The following NRG1 variants were observed in gnomAD, a reference collection of about 807,000 sequenced individuals.
NRG1 encodes neuregulin 1.
A neutral mutation model predicts 63.8 loss-of-function variants in NRG1; 18 were observed. That is an observed-to-expected ratio of 0.28 (90% CI 0.19 to 0.42). The LOEUF (loss-of-function observed/expected upper bound fraction) is 0.42, where lower values mean the gene tolerates loss of function less well. NRG1 is among the 10% of genes least tolerant of loss of function. The probability of loss-of-function intolerance (pLI) is 1.00; values close to 1 mark genes in which losing one functional copy is unlikely to be tolerated. For synonymous variants in NRG1, 302 were observed against 301.3 expected, an observed-to-expected ratio of 1.00 and a Z score of -0.02; for missense variants, 762 against 814.7, an observed-to-expected ratio of 0.94 and a Z score of 0.79.
At position 31,796,414 on chromosome 8, in the gene NRG1, C is replaced by CTTTTTTTTTTTTT. The variant is rs1158508289; in HGVS notation, c.37+157007_37+157019dup. 9.2e-5 allele frequency among the ~76,000 whole-genome samples: 4 copies of CTTTTTTTTTTTTT among 43,376 alleles called. 1 individual carries two copies. Among genetic ancestry groups the CTTTTTTTTTTTTT allele is most frequent in the African/African-American group, 1.8e-4 (2 of 11,224 alleles). 28.5% of individuals were successfully genotyped at this position (43,376 alleles called of 152,430 possible). On this transcript the variant is annotated intron_variant, in intron 1 of 10. Transcript: ENST00000519301. ...ATAACCAAATAAGATGGCGTATAAT[C>CTTTTTTTTTTTTT]TTTTTTTTTTTTTTTTTTTTTTTTT...
chr8:31,927,712 T>G (rs1232710342), intron 1 of NRG1, among the ~76,000 whole-genome samples: 1 of 150,144 alleles, frequency 6.7e-6, no homozygotes, highest in African/African-American at 2.4e-5. Flanking sequence ...CCTCCCAAAG[T>G]GCTGGGATTA....
chr8:32,595,786 C>A, intron 1 of NRG1, 42 bp from the exon 2 acceptor site: 1 of 1,555,778 alleles, frequency 6.4e-7, no homozygotes, highest in South Asian at 1.2e-5. Context: ...GAAAGATTGC[C>A]TGGTGATCAG....
At chr8:32,054,859 CTTTCTTTTTTTTTTTTTTTTTTT>C (rs1477151830) in intron 1 of NRG1, among the ~76,000 whole-genome samples, 1,617 of 70,582 alleles carry the variant, frequency 0.023, 39 homozygotes, top group African/African-American at 0.03. Context: ...AGATTTCTTT[CTTTCTTTTTTTTTTTTTTTTTTT>C]TTTTTTTTTT....
chr8:32,271,672 T>C (rs1851563764), intron 1 of NRG1, among the ~76,000 whole-genome samples: 1 of 152,154 alleles, frequency 6.6e-6, no homozygotes, highest in South Asian at 2.1e-4. Context: ...TAAAGGCTGA[T>C]CTTCTACAGT....
intron 1 of NRG1, among the ~76,000 whole-genome samples, chr8:32,575,485 G>A (rs563617394): frequency 6.6e-6 from 1 of 152,120 alleles, no homozygotes; most frequent in South Asian, 2.1e-4. Context: ...TAGTGGGCTG[G>A]AGATAGGGCA....
chr8:32,272,530 A>G (rs1851653729), intron 1 of NRG1, among the ~76,000 whole-genome samples: 1 of 152,174 alleles, frequency 6.6e-6, no homozygotes, highest in Admixed American at 6.5e-5. Context: ...GTCTCAGAAA[A>G]CAGGACACTG....
chr8:31,651,959 C>T (rs1251380035), intron 1 of NRG1, among the ~76,000 whole-genome samples: 1 of 152,176 alleles, frequency 6.6e-6, no homozygotes, highest in Non-Finnish European at 1.5e-5. Flanking sequence ...GTCCTACAAA[C>T]ACTTTATGTG....
intron 5 of NRG1, among the ~76,000 whole-genome samples, chr8:32,655,649 G>A (rs1335664405): frequency 2.0e-5 from 3 of 152,108 alleles, no homozygotes; most frequent in Non-Finnish European, 4.4e-5. Flanking sequence ...TGAGCCCAGT[G>A]TCATAAAAGG....
At chr8:31,953,633 C>G (rs1206965654) in intron 1 of NRG1, among the ~76,000 whole-genome samples, 1 of 152,122 alleles carries the variant, frequency 6.6e-6, no homozygotes, top group Non-Finnish European at 1.5e-5. Context: ...AAGGCCAGAA[C>G]TTTAGTCTAC....
chr8:32,006,497 C>T (rs1047836656), intron 1 of NRG1, among the ~76,000 whole-genome samples: 2 of 151,992 alleles, frequency 1.3e-5, no homozygotes, highest in African/African-American at 4.8e-5. Flanking sequence ...CAGACCTAAT[C>T]TAATCACAGA....
At chr8:32,338,029 C>G (rs567412968) in intron 1 of NRG1, among the ~76,000 whole-genome samples, 1 of 152,234 alleles carries the variant, frequency 6.6e-6, no homozygotes, top group South Asian at 2.1e-4. Context: ...ATACACAGTG[C>G]CTGAAATGTA....
chr8:32,187,033 G>A (rs892242247), intron 1 of NRG1, among the ~76,000 whole-genome samples: 5 of 152,088 alleles, frequency 3.3e-5, no homozygotes, highest in African/African-American at 1.2e-4. Context: ...TTGCCATGCA[G>A]CTTTGAATGA....
chr8:32,666,031 C>T (rs891287105), intron 5 of NRG1, among the ~76,000 whole-genome samples: 1 of 152,188 alleles, frequency 6.6e-6, no homozygotes, highest in Non-Finnish European at 1.5e-5. Context: ...CTTCTTGCTG[C>T]TGCTGTCTGA....
At chr8:32,041,616 G>T (rs1323241608) in intron 1 of NRG1, among the ~76,000 whole-genome samples, 3 of 152,148 alleles carry the variant, frequency 2.0e-5, no homozygotes, top group Non-Finnish European at 4.4e-5. Flanking sequence ...AGGGTCCCCA[G>T]GTTTCTAAAG....
intron 1 of NRG1, among the ~76,000 whole-genome samples, chr8:32,286,574 A>T (rs1853546484): frequency 6.6e-6 from 1 of 152,206 alleles, no homozygotes; most frequent in Non-Finnish European, 1.5e-5. Flanking sequence ...TTCTGGCAGG[A>T]TCCAGTGAGT....
intron 1 of NRG1, among the ~76,000 whole-genome samples, chr8:32,494,325 ATATATC>A (rs1201382901): frequency 5.9e-5 from 9 of 152,318 alleles, no homozygotes; most frequent in African/African-American, 2.2e-4. Flanking sequence ...TATTTCTTCC[ATATATC>A]TATTCATATT....
intron 6 of NRG1, among the ~76,000 whole-genome samples, chr8:32,734,633 T>C (rs1824543932): frequency 6.6e-6 from 1 of 152,242 alleles, no homozygotes; most frequent in Admixed American, 6.5e-5. Flanking sequence ...CAGACGACTG[T>C]GTCCTCTATT....
chr8:32,751,027 T>A (rs1424148157), intron 7 of NRG1: 1 of 152,076 alleles, frequency 6.6e-6, no homozygotes, highest in Non-Finnish European at 1.5e-5. Flanking sequence ...AGCTGGAGGG[T>A]CTGACTATAG....
At chr8:31,765,686 C>T (rs762326954) in intron 1 of NRG1, among the ~76,000 whole-genome samples, 1 of 152,032 alleles carries the variant, frequency 6.6e-6, no homozygotes, top group Non-Finnish European at 1.5e-5. Context: ...AAGGAGTTCA[C>T]CTTAAATTTT....
Sources: allele counts gnomAD v4.1 joint callset (sites outside exome capture counted in the v4.1 genomes callset), GRCh38; gene constraint gnomAD v4.1.1; transcripts MANE v1.5; gene names NCBI Gene and HGNC (gene_info 2026-07-23, HGNC 2026-07-21).